The following ANKRD36C variants were observed in gnomAD, a reference collection of about 807,000 sequenced individuals.
The protein encoded by ANKRD36C is ankyrin repeat domain 36C, also known as ankyrin repeat domain-containing protein 36C.
Under a neutral mutation model 276.4 loss-of-function variants are expected in ANKRD36C, and 61 were observed. That is an observed-to-expected ratio of 0.22 (90% CI 0.18 to 0.27). The LOEUF is 0.27. ANKRD36C is among the 10% of genes least tolerant of loss of function. ANKRD36C has a pLI of 1.00. For missense variants in ANKRD36C, 1,447 were observed against 2,032.3 expected (o/e 0.71, Z 5.54); for synonymous variants, 483 against 680.1 (o/e 0.71, Z 4.51).
intron 2 of ANKRD36C, 67 bp downstream of exon 2, chr2:95,987,025 A>G: frequency 1.3e-6 from 2 of 1,484,280 alleles, no homozygotes; most frequent in Non-Finnish European, 1.8e-6. Flanking sequence ...AATGAGATAA[A>G]TTCATTTTAT....
intron 60 of ANKRD36C, among the ~76,000 whole-genome samples, chr2:95,864,951 T>C (rs2950731): frequency 3.3e-5 from 5 of 152,088 alleles, no homozygotes; most frequent in African/African-American, 9.7e-5. Flanking sequence ...AAATTCAATA[T>C]AGAAAAATTA....
At chr2:95,907,307 C>T (rs1262500502) in intron 42 of ANKRD36C, 2 of 68,110 alleles carry the variant, frequency 2.9e-5, no homozygotes, top group African/African-American at 6.0e-5. Flanking sequence ...TCCAGCTGAA[C>T]GTACACTTAA....
At chr2:95,946,544 C>A (rs1158245657) in intron 17 of ANKRD36C, among the ~76,000 whole-genome samples, 1 of 144,358 alleles carries the variant, frequency 6.9e-6, no homozygotes, top group Non-Finnish European at 1.5e-5. Context: ...TTGACCCAGC[C>A]ATCCCATTAC....
intron 6 of ANKRD36C, among the ~76,000 whole-genome samples, chr2:95,970,564 A>AAAC (rs1195241244): frequency 2.6e-5 from 4 of 152,000 alleles, no homozygotes; most frequent in African/African-American, 7.2e-5. Flanking sequence ...CTAGTGGGAA[A>AAAC]AACAACAACA....
chr2:95,853,068 A>C (rs908924088), intron 64 of ANKRD36C: 4 of 152,272 alleles, frequency 2.6e-5, no homozygotes, highest in African/African-American at 9.6e-5. Context: ...TTTTTCTACA[A>C]ATAAGAGAAA....
At chr2:95,870,810 G>A (rs1404843151) in intron 59 of ANKRD36C, among the ~76,000 whole-genome samples, 4 of 152,174 alleles carry the variant, frequency 2.6e-5, no homozygotes, top group African/African-American at 9.7e-5. Flanking sequence ...CCAATACAGA[G>A]AAGTGCTTAA....
intron 64 of ANKRD36C, chr2:95,853,321 C>A: frequency 5.9e-6 from 1 of 168,236 alleles, no homozygotes; most frequent in South Asian, 1.5e-4. Context: ...ACATTATCCT[C>A]TGAATTAATC....
At chr2:95,971,871 A>G (rs1349093591) in intron 6 of ANKRD36C, among the ~76,000 whole-genome samples, 1 of 152,182 alleles carries the variant, frequency 6.6e-6, no homozygotes, top group Non-Finnish European at 1.5e-5. Flanking sequence ...ATAATTACCT[A>G]ATATTGCCAT....
chr2:95,930,080 T>G (rs180891805), intron 24 of ANKRD36C, among the ~76,000 whole-genome samples: 1 of 151,638 alleles, frequency 6.6e-6, no homozygotes, highest in African/African-American at 2.4e-5. Context: ...CCATTTGGGA[T>G]TCAAGTAATG....
chr2:95,950,461 G>A (rs1466044517), intron 16 of ANKRD36C, among the ~76,000 whole-genome samples: 2 of 152,122 alleles, frequency 1.3e-5, no homozygotes, highest in African/African-American at 4.8e-5. Context: ...GGCAAATGAA[G>A]TGATTTGAGA....
At chr2:95,988,374 T>C (rs1679075315) in intron 1 of ANKRD36C, among the ~76,000 whole-genome samples, 1 of 152,026 alleles carries the variant, frequency 6.6e-6, no homozygotes, top group Non-Finnish European at 1.5e-5. Flanking sequence ...TTTCACTATT[T>C]TCTAACTTCA....
At chr2:95,912,093 T>G in intron 42 of ANKRD36C, 151 bp downstream of exon 44, 3 of 1,154,460 alleles carry the variant, frequency 2.6e-6, no homozygotes, top group Non-Finnish European at 3.6e-6. Flanking sequence ...ACCAGCAGCA[T>G]CAGCATAACC....
rs1192754654 is a variant in ANKRD36C at position 95,919,734 on chromosome 2, T to G, written c.2246-1692A>C. On this transcript the variant is annotated intron_variant, in intron 34 of 66. Transcript: ENST00000456556. ...CATTGAATGTGTTTTGCAAATTACC[T>G]GTCTCAGATTTTTCTCCATCCTTTA... The G allele has an allele frequency of 2.3e-6, 2 of 873,362 alleles. 1 individual carries two copies. The highest frequency in any genetic ancestry group is 3.8e-5 in the African/African-American group (2 of 52,344). 54.1% of individuals were successfully genotyped at this position (873,362 alleles called of 1,614,324 possible).
chr2:95,965,201 GA>G (rs1678562905), intron 6 of ANKRD36C, among the ~76,000 whole-genome samples: 1 of 151,628 alleles, frequency 6.6e-6, no homozygotes, highest in South Asian at 2.1e-4. Context: ...ACAGTTTTCA[GA>G]AGAGAAAAAA....
In ANKRD36C at chr2:95,897,353, T is replaced by C; in HGVS notation, c.2755+1792A>G. ...CTCATCTCTTGTAGCCTGAATGGAA[T>C]TTGAAATGAAATAATAAATTAATAA... is the stretch of plus-strand genomic sequence containing the variant. On this transcript the variant is annotated intron_variant, in intron 44 of 66. Transcript: ENST00000456556. The C allele has an allele frequency of 6.4e-7, 1 of 1,556,834 alleles. No individual in the cohort carries two copies. Among genetic ancestry groups the C allele is most frequent in the Non-Finnish European group, 8.7e-7 (1 of 1,146,762 alleles).
intron 58 of ANKRD36C, among the ~76,000 whole-genome samples, chr2:95,876,768 C>T (rs1270452711): frequency 3.6e-5 from 5 of 138,550 alleles, no homozygotes; most frequent in African/African-American, 1.3e-4. Context: ...AGGAGAATGG[C>T]GTGAGCCCGG....
intron 6 of ANKRD36C, among the ~76,000 whole-genome samples, chr2:95,965,067 T>A (rs1678559698): frequency 2.0e-5 from 3 of 151,930 alleles, no homozygotes; most frequent in Non-Finnish European, 2.9e-5. Context: ...ATGGTGTAAT[T>A]TTTTGCAGGT....
intron 38 of ANKRD36C, among the ~76,000 whole-genome samples, chr2:95,915,761 T>C (rs1013545203): frequency 9.2e-5 from 14 of 151,510 alleles, no homozygotes; most frequent in African/African-American, 3.4e-4. Context: ...TCCATATTTC[T>C]TCCTCCCAAT....
chr2:95,925,406 C>G, exon 30 of ANKRD36C: 1 of 1,560,670 alleles, frequency 6.4e-7, no homozygotes, highest in East Asian at 2.4e-5. Context: ...AAAAGAGAAA[C>G]TTTCTTTTTA....
Sources: allele counts gnomAD v4.1 joint callset (sites outside exome capture counted in the v4.1 genomes callset), GRCh38; gene constraint gnomAD v4.1.1; transcripts MANE v1.5; gene names NCBI Gene and HGNC (gene_info 2026-07-23, HGNC 2026-07-21).